WHAMM: variants seen among roughly 807,000 people sequenced by gnomAD.
The protein encoded by WHAMM is WASP homolog-associated protein with actin, membranes and microtubules.
WHAMM carries 67 observed loss-of-function variants against 76.5 expected under a neutral mutation model. The observed-to-expected ratio is 0.88, with a 90% CI of 0.72 to 1.07. WHAMM has a LOEUF of 1.07. Among genes scored for constraint, WHAMM ranks in the 50% least tolerant of loss-of-function variants. The pLI is 0.00. For synonymous variants in WHAMM, 419 were observed against 422.1 expected (o/e 0.99, Z 0.09); for missense variants, 1,021 against 1,051.1 (o/e 0.97, Z 0.40).
rs1156476915 is a variant in WHAMM, at chr15:82,815,139, A to C, written c.784-1553A>C. Reference sequence around the variant, plus strand: ...TATATATATATATATATATATATATATATATATATATATATAGTACAATTC... The same window carrying C: ...TATATATATATATATATATATATATCTATATATATATATATAGTACAATTC... On this transcript the variant is annotated intron_variant, in intron 2 of 9. Coordinates refer to ENST00000286760, the MANE Select transcript of WHAMM (RefSeq NM_001080435.3). 7.9e-5 allele frequency among the ~76,000 whole-genome samples: 3 copies of C among 38,146 alleles called. 1 individual carries two copies. The highest frequency in any genetic ancestry group is 4.3e-4 in the African/African-American group (3 of 6,940). The allele number at this position is 38,146 out of a possible 152,430, so 25.0% of individuals were successfully genotyped here. A position where few individuals can be genotyped will look rare whatever the true frequency, so the allele number is the denominator to read the frequency against.
At chr15:82,812,464 G>A (rs889824415) in intron 1 of WHAMM, among the ~76,000 whole-genome samples, 2 of 152,134 alleles carry the variant, frequency 1.3e-5, no homozygotes, top group African/African-American at 4.8e-5. Context: ...TCCTGACCTC[G>A]TGATCCGCCC....
At position 82,826,459 on chromosome 15, in the gene WHAMM, G is replaced by A; in HGVS notation, c.1508G>A (p.Ser503Asn). The change falls in exon 7 of 10, where the codon AGC (serine) becomes AAC (asparagine). Residue 503 changes from serine (S) to asparagine (N), a missense_variant. Ser to Asn is a conservative substitution (Grantham distance 46). Transcript: ENST00000286760. ...HRFRLQQAEESIRYSRQHHSI... is the reference protein window; with the variant it reads ...HRFRLQQAEENIRYSRQHHSI... Reference sequence around the variant, plus strand: ...TTCAGATTGCAACAGGCTGAAGAAAGCATAAGATACTCTCGTCAGCATCAC... The same window carrying A: ...TTCAGATTGCAACAGGCTGAAGAAAACATAAGATACTCTCGTCAGCATCAC... 1.2e-6 allele frequency: 2 copies of A among 1,614,060 alleles called. No homozygotes were observed. The highest frequency in any genetic ancestry group is 1.3e-5 in the African/African-American group (1 of 75,072).
At chr15:82,825,039 C>A (rs1211892418) in intron 6 of WHAMM, among the ~76,000 whole-genome samples, 7 of 151,980 alleles carry the variant, frequency 4.6e-5, no homozygotes, top group Non-Finnish European at 7.4e-5. Context: ...GCAGGAGGAT[C>A]GCTTGAAGCC....
At chr15:82,819,523 T>C in intron 5 of WHAMM, 35 bp downstream of exon 5, 1 of 1,074,456 alleles carries the variant, frequency 9.3e-7, no homozygotes, top group Non-Finnish European at 1.3e-6. Context: ...AATGTTTAAA[T>C]TATAAATTTA....
At position 82,833,423 on chromosome 15, in the gene WHAMM, C is replaced by CG; in HGVS notation, c.2318dup (p.Thr774HisfsTer3). Reference sequence around the variant, plus strand: ...CAGCAGCAAACCAACCAGCAACAGACGCACCAGTGACCTTGAGAGGAGCAT... The same window carrying CG: ...CAGCAGCAAACCAACCAGCAACAGACGGCACCAGTGACCTTGAGAGGAGCAT... On this transcript the variant is annotated frameshift_variant, in exon 10 of 10. Transcript: ENST00000286760. LOFTEE classifies it high-confidence loss of function. 1 of 1,614,006 alleles carries CG rather than the reference C, an allele frequency of 6.2e-7. No individual in the cohort carries two copies. The highest frequency in any genetic ancestry group is 8.5e-7 in the Non-Finnish European group (1 of 1,179,892).
intron 6 of WHAMM, among the ~76,000 whole-genome samples, chr15:82,824,876 G>T (rs903625600): frequency 6.6e-6 from 1 of 152,146 alleles, no homozygotes; most frequent in South Asian, 2.1e-4. Flanking sequence ...GAAAAACTTC[G>T]CTAGGTGCCA....
chr15:82,822,680 C>T (rs1566995243), intron 5 of WHAMM, among the ~76,000 whole-genome samples: 1 of 152,158 alleles, frequency 6.6e-6, no homozygotes, highest in South Asian at 2.1e-4. Flanking sequence ...TCAGGTGTTC[C>T]GCCTGCCTTG....
chr15:82,823,249 A>G lies in WHAMM; in HGVS notation c.1420A>G (p.Arg474Gly). 4 of 1,566,482 alleles carry G rather than the reference A, an allele frequency of 2.6e-6. No individual in the cohort carries two copies. Among genetic ancestry groups the G allele is most frequent in the Non-Finnish European group, 3.5e-6 (4 of 1,153,606 alleles). ...CCAGCAGCTGGAGTCTAAACGGGGC[A>G]GGATCTGTGCCAAAAGAGCCTCTCT... Reference protein sequence around the residue: ...QCQQLESKRGRICAKRASLRS... With the variant: ...QCQQLESKRGGICAKRASLRS... The change falls in exon 6 of 10, where the codon AGG (arginine) becomes GGG (glycine). Residue 474 changes from arginine (R) to glycine (G), a missense_variant. Arg to Gly is a moderately radical substitution (Grantham distance 125). Transcript: ENST00000286760.
intron 4 of WHAMM, 89 bp from the exon 5 acceptor site, chr15:82,819,234 G>A: frequency 2.0e-6 from 1 of 498,846 alleles, no homozygotes; most frequent in Non-Finnish European, 3.2e-6. Flanking sequence ...TACTGAACAA[G>A]GAATAGAAAA....
intron 1 of WHAMM, among the ~76,000 whole-genome samples, chr15:82,811,911 T>C (rs928941358): frequency 1.3e-5 from 2 of 152,220 alleles, no homozygotes; most frequent in Non-Finnish European, 2.9e-5. Context: ...AGTAGATCAC[T>C]TTATCCTTAA....
rs764271482 is a variant in WHAMM, at chr15:82,833,421, G to T, written c.2315G>T (p.Arg772Ile). The stretch of plus-strand genomic sequence containing the variant: ...CCCAGCAGCAAACCAACCAGCAACA[G>T]ACGCACCAGTGACCTTGAGAGGAGC... ...PNPSSKPTSN[R>I]RTSDLERSIK... The change falls in exon 10 of 10, where the codon AGA becomes ATA. Residue 772 changes from arginine (R) to isoleucine (I), a missense_variant. Arg to Ile is a moderately conservative substitution (Grantham distance 97). This residue lies in a region of WHAMM where 509 missense variants were observed against 492.3 expected (regional missense o/e 1.03). Transcript: ENST00000286760. 6.2e-7 allele frequency: 1 copy of T among 1,614,032 alleles called. No individual in the cohort carries two copies. The highest frequency in any genetic ancestry group is 8.5e-7 in the Non-Finnish European group (1 of 1,179,904).
chr15:82,826,291 A>C (rs1596286065), intron 6 of WHAMM, 119 bp from the exon 7 acceptor site: 2 of 1,033,158 alleles, frequency 1.9e-6, no homozygotes, highest in East Asian at 5.0e-5. Flanking sequence ...CCGCTCCAGA[A>C]CTAATATTAA....
rs141508421 is a variant in WHAMM at position 82,831,282 on chromosome 15, T to G, written c.2122+203T>G. On this transcript the variant is annotated intron_variant, in intron 9 of 9. Transcript: ENST00000286760. Reference sequence around the variant, plus strand: ...TATAGCCTAAATCTGGTTTCATAAATGTTAATTCAGTTTGAAGAAACCATC... The same window carrying G: ...TATAGCCTAAATCTGGTTTCATAAAGGTTAATTCAGTTTGAAGAAACCATC... Among the ~76,000 whole-genome samples the G allele has an allele frequency of 9.3e-3, 1,416 of 152,346 alleles. 19 individuals carry two copies. The highest frequency in any genetic ancestry group is 0.032 in the African/African-American group (1,348 of 41,564).
At chr15:82,824,162 C>CTTTTT (rs71156055) in intron 6 of WHAMM, among the ~76,000 whole-genome samples, 1,717 of 118,016 alleles carry the variant, frequency 0.015, 99 homozygotes, top group Non-Finnish European at 0.021. Flanking sequence ...TACTTTTCTC[C>CTTTTT]TTTTTTTTTT....
chr15:82,833,163 A>C, intron 9 of WHAMM, 66 bp from the exon 10 acceptor site: 1 of 1,490,708 alleles, frequency 6.7e-7, no homozygotes, highest in Non-Finnish European at 9.1e-7. Context: ...ACAATTTCAT[A>C]GCAGTAATGT....
chr15:82,833,318 T>C lies in WHAMM; in HGVS notation c.2212T>C (p.Ser738Pro). 1.2e-6 allele frequency: 2 copies of C among 1,613,964 alleles called. No homozygotes were observed. The highest frequency in any genetic ancestry group is 1.7e-6 in the Non-Finnish European group (2 of 1,179,876). ...EVPAVRPPHA[S>P]INEHILAAIR... is the part of the protein sequence containing the mutation. Reference sequence around the variant, plus strand: ...GCCGGCGGTGCGCCCTCCCCACGCCTCAATCAATGAGCACATTCTGGCTGC... The same window carrying C: ...GCCGGCGGTGCGCCCTCCCCACGCCCCAATCAATGAGCACATTCTGGCTGC... Residue 738 changes from serine (S) to proline (P), a missense_variant, in exon 10 of 10, where the codon TCA (serine) becomes CCA (proline). By Grantham distance (74) the Ser-to-Pro change is moderately conservative. Coordinates refer to ENST00000286760, the MANE Select transcript of WHAMM (RefSeq NM_001080435.3).
rs1002815183 is a variant in WHAMM at position 82,833,649 on chromosome 15, C to T, written c.*113C>T. ...CTGATAGATGGGCCACATAACACCCCGGAAGATCAGCAGGGCCTTGTGTAG... is the reference window on the plus strand; with the variant it reads ...CTGATAGATGGGCCACATAACACCCTGGAAGATCAGCAGGGCCTTGTGTAG... On this transcript the variant is annotated 3_prime_UTR_variant, in exon 10 of 10. Transcript: ENST00000286760. 4.4e-5 allele frequency: 52 copies of T among 1,176,978 alleles called. No homozygotes were observed. Among genetic ancestry groups the T allele is most frequent in the African/African-American group, 2.2e-4 (14 of 64,962 alleles). 72.9% of individuals were successfully genotyped at this position (1,176,978 alleles called of 1,614,324 possible).
At chr15:82,828,098 C>G (rs1279191881) in intron 8 of WHAMM, among the ~76,000 whole-genome samples, 2 of 152,158 alleles carry the variant, frequency 1.3e-5, no homozygotes, top group Non-Finnish European at 2.9e-5. Context: ...AGAAAAGATT[C>G]TGGAATAGGT....
At chr15:82,828,221 C>T (rs2050968975) in intron 8 of WHAMM, among the ~76,000 whole-genome samples, 1 of 152,132 alleles carries the variant, frequency 6.6e-6, no homozygotes, top group African/African-American at 2.4e-5. Context: ...AAATGAGTAA[C>T]CAAGGTTCAG....
Sources: allele counts gnomAD v4.1 joint callset (sites outside exome capture counted in the v4.1 genomes callset), GRCh38; gene constraint gnomAD v4.1.1; regional missense constraint gnomAD v4.1.1; transcripts MANE v1.5; gene names NCBI Gene and HGNC (gene_info 2026-07-23, HGNC 2026-07-21).